The following HELZ variants were observed in gnomAD, a reference collection of about 807,000 sequenced individuals.
HELZ encodes helicase with zinc finger, also known as ATP-dependent RNA helicase with zinc finger domain.
HELZ carries 23 observed loss-of-function variants against 218.2 expected under a neutral mutation model. The ratio of observed to expected loss-of-function variants is 0.11; its 90% confidence interval spans 0.08 to 0.15. HELZ has a LOEUF of 0.15. HELZ is among the 10% of genes least tolerant of loss of function. HELZ has a pLI of 1.00. For missense variants in HELZ, 1,813 were observed against 2,353.7 expected (o/e 0.77, Z 4.75); for synonymous variants, 814 against 829.4 (o/e 0.98, Z 0.32).
chr17:67,155,149 T>G (rs1386436227), intron 17 of HELZ, among the ~76,000 whole-genome samples: 2 of 152,120 alleles, frequency 1.3e-5, no homozygotes, highest in Non-Finnish European at 2.9e-5. Flanking sequence ...TACAAAAGGA[T>G]GTGCACCATC....
Position 67,109,660 on chromosome 17 carries a change from G to A in HELZ, c.3945C>T (p.Asn1315=). Residue 1315 remains asparagine (N), a synonymous_variant, in exon 29 of 33, where the codon AAC becomes AAT. Transcript: ENST00000358691. ...KQVDLESNPQ[N]RSPESRPSVV... is the part of the protein sequence containing the mutation. The stretch of plus-strand genomic sequence containing the variant: ...CACTAGGACGTGATTCAGGACTTCT[G>A]TTCTGTGGATTTGATTCCAAATCAA... 1 of 1,608,628 alleles carries A rather than the reference G, an allele frequency of 6.2e-7. No individual in the cohort carries two copies. The highest frequency in any genetic ancestry group is 8.5e-7 in the Non-Finnish European group (1 of 1,176,164).
In HELZ at chr17:67,108,331, T is replaced by C; in HGVS notation, c.4724+161A>G. ...GAGTTACTTCTAAATGAGTTTTCTG[T>C]ATTTTAGAGTCAACAAGAGAACTGT... On this transcript the variant is annotated intron_variant, in intron 30 of 32. Transcript: ENST00000358691. The surrounding 1 kb of genome is among the most constrained non-coding windows in gnomAD (Gnocchi z 4.1). The C allele has an allele frequency of 1.7e-6, 1 of 593,704 alleles. No homozygotes were observed. The highest frequency in any genetic ancestry group is 2.2e-5 in the South Asian group (1 of 46,340). The allele number at this position is 593,704 out of a possible 1,614,324, so 36.8% of individuals were successfully genotyped here. A position where few individuals can be genotyped will look rare whatever the true frequency, so the allele number is the denominator to read the frequency against.
Position 67,160,325 on chromosome 17 carries a change from G to T in HELZ, c.2113C>A (p.Leu705Ile). ...GGATGTAAATAATCCTTTATGTAGA[G>T]ATCAGCAGCACTATTAGAATGGGTG... The part of the protein sequence containing the change: ...ICTHSNSAAD[L>I]YIKDYLHPYV... Residue 705 changes from leucine (L) to isoleucine (I), a missense_variant, in exon 17 of 33, where the codon CTC (leucine) becomes ATC (isoleucine). Physicochemically the swap from Leu to Ile is conservative, Grantham distance 5. Around this residue, in one of 4 missense-constraint regions of HELZ, gnomAD observed 714 missense variants for 1,029.2 expected, o/e 0.69. Transcript: ENST00000358691. 6.2e-7 allele frequency: 1 copy of T among 1,612,204 alleles called. No homozygotes were observed. The highest frequency in any genetic ancestry group is 1.1e-5 in the South Asian group (1 of 91,040).
At chr17:67,233,027 G>A (rs2041078043) in intron 3 of HELZ, among the ~76,000 whole-genome samples, 1 of 152,196 alleles carries the variant, frequency 6.6e-6, no homozygotes. Flanking sequence ...CCAGCTACTG[G>A]GAAGGCTGAG....
chr17:67,140,031 T>C lies in HELZ; in HGVS notation c.2770-1917A>G, dbSNP rs368138485. Among the ~76,000 whole-genome samples, 45 of 152,248 alleles carry C rather than the reference T, an allele frequency of 3.0e-4. 1 individual carries two copies. In the East Asian group the frequency reaches 5.0e-3, roughly 17 times the overall value. On this transcript the variant is annotated intron_variant, in intron 21 of 32. Coordinates refer to ENST00000358691, the MANE Select transcript of HELZ (RefSeq NM_014877.4). ...CTGATCCAATGGCCTTGGCAGCCCA[T>C]TGACAGTTTGCATTTTCTCTAGCTT...
intron 31 of HELZ, among the ~76,000 whole-genome samples, chr17:67,100,436 A>G (rs1184556155): frequency 6.6e-6 from 1 of 152,216 alleles, no homozygotes; most frequent in African/African-American, 2.4e-5. Context: ...TCAGAAAGCC[A>G]TTACAATATC....
intron 3 of HELZ, among the ~76,000 whole-genome samples, chr17:67,229,940 T>C (rs1295074580): frequency 1.3e-5 from 2 of 152,236 alleles, no homozygotes; most frequent in Admixed American, 6.5e-5. Context: ...GTGGTCTCTT[T>C]TGAATAATCA....
rs1007257356 is a variant in HELZ at position 67,108,706 on chromosome 17, C to A, written c.4510G>T (p.Ala1504Ser). ...TGCTGCTGCCTTAATGTTTCCAGAG[C>A]GACACTCCCATGTATACGATCTGCA... ...EALDRIHGSV[A>S]LETLRQQQAR... The change falls in exon 30 of 33, where the codon GCT (alanine) becomes TCT (serine). Residue 1504 changes from alanine (A) to serine (S), a missense_variant. By Grantham distance (99) the Ala-to-Ser change is moderately conservative. Transcript: ENST00000358691. The surrounding 1 kb of genome is among the most constrained non-coding windows in gnomAD (Gnocchi z 4.1). 6.2e-7 allele frequency: 1 copy of A among 1,610,442 alleles called. No homozygotes were observed. Among genetic ancestry groups the A allele is most frequent in the Admixed American group, 1.7e-5 (1 of 59,924 alleles).
rs200149411 is a variant in HELZ at position 67,078,585 on chromosome 17, C to T, written c.5496G>A (p.Ala1832=). 1.6e-4 allele frequency: 238 copies of T among 1,467,152 alleles called. No individual in the cohort carries two copies. Among genetic ancestry groups the T allele is most frequent in the South Asian group, 1.6e-3 (103 of 64,646 alleles). 90.9% of individuals were successfully genotyped at this position (1,467,152 alleles called of 1,614,324 possible). ...CAGGGGGTTTGACAGTCTTGGGTGG[C>T]GCTAAAAGCAGAGAACAGTGACACA... The part of the protein sequence containing the change: ...SRTAQPRELI[A]PPKTVKPPED... The change falls in exon 33 of 33, where the codon GCG becomes GCA. Residue 1832 remains alanine (A), a splice_region_variant and synonymous_variant. Coordinates refer to ENST00000358691, the MANE Select transcript of HELZ (RefSeq NM_014877.4).
chr17:67,104,873 G>C (rs2143719032), intron 31 of HELZ, among the ~76,000 whole-genome samples: 1 of 152,298 alleles, frequency 6.6e-6, no homozygotes, highest in Middle Eastern at 3.4e-3. Flanking sequence ...TGTAATCCCA[G>C]CACTTTGGGA....
chr17:67,089,644 ATT>A (rs1211790014), intron 31 of HELZ, among the ~76,000 whole-genome samples: 1 of 73,394 alleles, frequency 1.4e-5, no homozygotes, highest in African/African-American at 4.3e-5. Flanking sequence ...TCTATTGGAG[ATT>A]TTATATATAT....
intron 21 of HELZ, among the ~76,000 whole-genome samples, 169 bp from the exon 22 acceptor site, chr17:67,138,283 T>C (rs566254674): frequency 6.6e-6 from 1 of 150,820 alleles, no homozygotes; most frequent in Non-Finnish European, 1.5e-5. Flanking sequence ...GTGAACTGAA[T>C]GAGAATATAA....
chr17:67,148,523 A>G, intron 20 of HELZ, 46 bp downstream of exon 20: 1 of 1,565,614 alleles, frequency 6.4e-7, no homozygotes, highest in Non-Finnish European at 8.7e-7. Flanking sequence ...CCCTCCTACT[A>G]TCAGACCAAC....
At chr17:67,159,464 A>G in intron 17 of HELZ, among the ~76,000 whole-genome samples, 1 of 152,156 alleles carries the variant, frequency 6.6e-6, no homozygotes, top group Non-Finnish European at 1.5e-5. Context: ...AACGTTAGTG[A>G]CTTATGATTC....
chr17:67,168,881 G>T (rs8065374), intron 13 of HELZ, among the ~76,000 whole-genome samples: 45,775 of 151,948 alleles, frequency 0.3, 9,226 homozygotes, highest in African/African-American at 0.58. Context: ...CACCTGAGGG[G>T]GGCAGTTCAA....
chr17:67,072,095 G>T lies in HELZ; in HGVS notation c.*6157C>A. ...CTCATGCCTGTAATCCCAACACTTT[G>T]GGAGCCCGAGGCGGGCAGATCATGA... On this transcript the variant is annotated 3_prime_UTR_variant, in exon 33 of 33. Transcript: ENST00000358691. 6.5e-6 allele frequency: 1 copy of T among 152,702 alleles called. No individual in the cohort carries two copies. Among genetic ancestry groups the T allele is most frequent in the South Asian group, 2.1e-4 (1 of 4,828 alleles). 9.5% of individuals were successfully genotyped at this position (152,702 alleles called of 1,614,324 possible). A position where few individuals can be genotyped will look rare whatever the true frequency, so the allele number is the denominator to read the frequency against.
In HELZ at chr17:67,135,982, A is replaced by T. The variant is rs763801339; in HGVS notation, c.3170T>A (p.Ile1057Asn). 6.2e-7 allele frequency: 1 copy of T among 1,612,912 alleles called. No individual in the cohort carries two copies. Among genetic ancestry groups the T allele is most frequent in the Admixed American group, 1.7e-5 (1 of 59,916 alleles). ...AACACATAATTACCTGCATCTTCCA[A>T]TAGAGCACAGAGCAATGGGATCACC... ...VVGDPIALCSIGRCRKFWERF... is the reference protein window; with the variant it reads ...VVGDPIALCSNGRCRKFWERF... The change falls in exon 23 of 33, where the codon ATT becomes AAT. Residue 1057 changes from isoleucine (I) to asparagine (N), a missense_variant. Around this residue, in one of 4 missense-constraint regions of HELZ, gnomAD observed 156 missense variants for 274.4 expected, o/e 0.57. Transcript: ENST00000358691.
At chr17:67,089,728 C>T (rs1315913012) in intron 31 of HELZ, among the ~76,000 whole-genome samples, 1 of 89,634 alleles carries the variant, frequency 1.1e-5, no homozygotes, top group Non-Finnish European at 2.3e-5. Context: ...GAGACAGAGA[C>T]AGAGAGATTG....
chr17:67,238,453 G>A (rs1429086551), intron 3 of HELZ, among the ~76,000 whole-genome samples: 6 of 151,910 alleles, frequency 3.9e-5, no homozygotes, highest in African/African-American at 7.3e-5. Flanking sequence ...AGGCCGAAGC[G>A]AGTGGATCAC....
Sources: allele counts gnomAD v4.1 joint callset (sites outside exome capture counted in the v4.1 genomes callset), GRCh38; gene constraint gnomAD v4.1.1; regional missense constraint gnomAD v4.1.1; non-coding constraint Gnocchi (gnomAD v3.1); transcripts MANE v1.5; gene names NCBI Gene and HGNC (gene_info 2026-07-23, HGNC 2026-07-21).